Variants in ENTREP1 observed in about 807,000 individuals in gnomAD.
The protein encoded by ENTREP1 is Friedreich ataxia region gene X123.
At chr9:69,337,312 C>T in the ENTREP1 span, among the ~76,000 whole-genome samples, 1 of 151,996 alleles carries the variant, frequency 6.6e-6, no homozygotes, top group South Asian at 2.1e-4. Context: ...CTGGACTCCT[C>T]TATATTCTTT....
chr9:69,352,825 C>T, the ENTREP1 span, among the ~76,000 whole-genome samples: 6 of 152,100 alleles, frequency 3.9e-5, no homozygotes, highest in African/African-American at 9.7e-5. Flanking sequence ...AAGCCTATGA[C>T]CCCCAATATG....
the ENTREP1 span, among the ~76,000 whole-genome samples, chr9:69,350,400 G>A: frequency 3.9e-3 from 595 of 152,212 alleles, 4 homozygotes; most frequent in African/African-American, 0.014. Flanking sequence ...TGAGGTTTAT[G>A]TATCTGGCTT....
At chr9:69,372,908 A>G in the ENTREP1 span, among the ~76,000 whole-genome samples, 7 of 150,738 alleles carry the variant, frequency 4.6e-5, no homozygotes, top group South Asian at 2.1e-4. Flanking sequence ...TTTGGTTTTG[A>G]TTTGCATTTT....
the ENTREP1 span, among the ~76,000 whole-genome samples, chr9:69,384,285 C>A: frequency 3.9e-5 from 6 of 152,106 alleles, no homozygotes; most frequent in Non-Finnish European, 8.8e-5. Flanking sequence ...TCAAGCTACA[C>A]CTTTTTCTCC....
chr9:69,340,815 G>GTGTGTGTA, the ENTREP1 span, among the ~76,000 whole-genome samples: 60 of 18,634 alleles, frequency 3.2e-3, no homozygotes, highest in East Asian at 0.03. Context: ...GTGTGTGTAT[G>GTGTGTGTA]TGTGTGTGTG....
At chr9:69,389,472 G>T in the ENTREP1 span, among the ~76,000 whole-genome samples, 5 of 152,210 alleles carry the variant, frequency 3.3e-5, no homozygotes, top group East Asian at 7.7e-4. Context: ...GGAATGATCT[G>T]ATTACTTGCA....
the ENTREP1 span, chr9:69,375,877 G>C: frequency 6.2e-7 from 1 of 1,611,260 alleles, no homozygotes; most frequent in South Asian, 1.1e-5. Flanking sequence ...ACCTCAAACA[G>C]ATTCCCACCC....
the ENTREP1 span, among the ~76,000 whole-genome samples, chr9:69,385,601 A>C: frequency 2.0e-5 from 3 of 152,100 alleles, no homozygotes; most frequent in African/African-American, 7.2e-5. Flanking sequence ...GGTGGTTTGG[A>C]AAGGCAAGTT....
chr9:69,353,478 CT>C, the ENTREP1 span, among the ~76,000 whole-genome samples: 2 of 152,176 alleles, frequency 1.3e-5, no homozygotes, highest in African/African-American at 4.8e-5. Flanking sequence ...TGATTCACCC[CT>C]ATATGCTGTA....
At chr9:69,388,548 A>G in the ENTREP1 span, 3 of 921,052 alleles carry the variant, frequency 3.3e-6, no homozygotes, top group Non-Finnish European at 3.2e-6. Flanking sequence ...GAGTAAGTTC[A>G]TGGTCACAGT....
chr9:69,373,486 G>C, the ENTREP1 span, among the ~76,000 whole-genome samples: 1 of 150,744 alleles, frequency 6.6e-6, no homozygotes, highest in African/African-American at 2.4e-5. Flanking sequence ...TTTTTTAAAT[G>C]AGGTATATTG....
the ENTREP1 span, among the ~76,000 whole-genome samples, chr9:69,374,109 C>T: frequency 3.9e-5 from 6 of 152,226 alleles, no homozygotes; most frequent in East Asian, 3.9e-4. Flanking sequence ...TGGAGTCACA[C>T]GGTTTGAAAG....
At chr9:69,391,331 G>A in the ENTREP1 span, among the ~76,000 whole-genome samples, 1 of 152,180 alleles carries the variant, frequency 6.6e-6, no homozygotes, top group Non-Finnish European at 1.5e-5. Flanking sequence ...TTAGAGAAAA[G>A]CAATGAGAAG....
chr9:69,330,252 G>A, the ENTREP1 span, among the ~76,000 whole-genome samples: 1 of 152,170 alleles, frequency 6.6e-6, no homozygotes, highest in African/African-American at 2.4e-5. Context: ...AAAGAGGAGA[G>A]AGAGTTGCAT....
chr9:69,388,008 C>A, the ENTREP1 span: 2 of 1,522,938 alleles, frequency 1.3e-6, no homozygotes, highest in Non-Finnish European at 1.8e-6. Context: ...TGTTTTCCCT[C>A]CTTCTGCAAG....
chr9:69,377,704 T>C, the ENTREP1 span: 1 of 1,614,052 alleles, frequency 6.2e-7, no homozygotes, highest in Non-Finnish European at 8.5e-7. Flanking sequence ...CCCTTCCTAT[T>C]TTGCCACGTT....
the ENTREP1 span, chr9:69,387,995 T>TATTATA: frequency 6.5e-7 from 1 of 1,547,742 alleles, no homozygotes; most frequent in Non-Finnish European, 8.7e-7. Context: ...AATAACCTTG[T>TATTATA]GTTGTTTTCC....
chr9:69,384,388 A>G, the ENTREP1 span, among the ~76,000 whole-genome samples: 1 of 152,210 alleles, frequency 6.6e-6, no homozygotes, highest in Non-Finnish European at 1.5e-5. Context: ...TATGAACCAG[A>G]CTATTCTCAG....
chr9:69,330,201 G>A, the ENTREP1 span, among the ~76,000 whole-genome samples: 1 of 152,090 alleles, frequency 6.6e-6, no homozygotes, highest in African/African-American at 2.4e-5. Flanking sequence ...TTCCACTGGG[G>A]TATGGGAGAC....
Sources: gnomAD v4.1 joint callset for allele counts (sites outside exome capture counted in the v4.1 genomes callset) on GRCh38, gnomAD v4.1.1 for gene constraint, MANE v1.5 for transcripts, NCBI Gene and HGNC (gene_info 2026-07-23, HGNC 2026-07-21) for gene names.